Variants in NRXN3 observed in about 807,000 individuals in gnomAD.
The protein encoded by NRXN3 is neurexin III.
Under a neutral mutation model 137.6 loss-of-function variants are expected in NRXN3, and 32 were observed. That is an observed-to-expected ratio of 0.23 (90% CI 0.18 to 0.31). The LOEUF is 0.31. Among genes scored for constraint, NRXN3 ranks in the 10% least tolerant of loss-of-function variants. NRXN3 has a pLI of 1.00. For missense variants in NRXN3, 1,574 were observed against 2,062.5 expected, an observed-to-expected ratio of 0.76 and a Z score of 4.59; for synonymous variants, 798 against 784.5, an observed-to-expected ratio of 1.02 and a Z score of -0.29.
At chr14:78,292,233 C>T (rs927689339) in intron 3 of NRXN3, among the ~76,000 whole-genome samples, 1 of 152,202 alleles carries the variant, frequency 6.6e-6, no homozygotes, top group African/African-American at 2.4e-5. Context: ...TTCCATTTTC[C>T]CGAGCTGCAA....
intron 15 of NRXN3, among the ~76,000 whole-genome samples, chr14:79,382,163 T>C (rs2094489049): frequency 6.6e-6 from 1 of 152,192 alleles, no homozygotes; most frequent in African/African-American, 2.4e-5. Context: ...GTAAAGCACG[T>C]AGGACATCCC....
rs539642637 is a variant in NRXN3, at chr14:78,982,922, CACAA to C, written c.3143-5095_3143-5092del. The stretch of plus-strand genomic sequence containing the variant: ...ACTATTATCCAAAATATATAAGAAA[CACAA>C]ACAACTCAAAATAAGAAAACAAATA... On this transcript the variant is annotated intron_variant, in intron 14 of 20. Transcript: ENST00000335750. Among the ~76,000 whole-genome samples, 7 of 152,044 alleles carry C rather than the reference CACAA, an allele frequency of 4.6e-5. No homozygotes were observed. In the South Asian group the frequency reaches 1.2e-3, roughly 27 times the overall value.
At position 79,025,954 on chromosome 14, in the gene NRXN3, T is replaced by C. The variant is rs115358891; in HGVS notation, c.3262+37813T>C. On this transcript the variant is annotated intron_variant, in intron 15 of 20. Transcript: ENST00000335750. ...AGTTTGTTGCCTCTTAGTCACAGTATAGTTGCTGCACCTCCAGGCAAGAGG... is the reference window on the plus strand; with the variant it reads ...AGTTTGTTGCCTCTTAGTCACAGTACAGTTGCTGCACCTCCAGGCAAGAGG... Among the ~76,000 whole-genome samples the C allele has an allele frequency of 3.7e-3, 560 of 152,236 alleles. 2 individuals carry two copies. The highest frequency in any genetic ancestry group is 0.013 in the African/African-American group (542 of 41,538).
At chr14:79,039,791 A>C (rs898686692) in intron 15 of NRXN3, among the ~76,000 whole-genome samples, 3 of 152,124 alleles carry the variant, frequency 2.0e-5, no homozygotes, top group African/African-American at 4.8e-5. Flanking sequence ...TCCTGGGCTC[A>C]AGCAATCCTC....
intron 4 of NRXN3, among the ~76,000 whole-genome samples, chr14:78,579,563 G>A (rs1428792935): frequency 2.0e-5 from 3 of 151,980 alleles, no homozygotes; most frequent in Admixed American, 1.3e-4. Context: ...GAGCCAAAGT[G>A]TAAGGAGGCA....
intron 8 of NRXN3, among the ~76,000 whole-genome samples, chr14:78,754,671 G>A (rs2098659434): frequency 6.6e-6 from 1 of 152,186 alleles, no homozygotes; most frequent in Non-Finnish European, 1.5e-5. Context: ...AGTGGCATCA[G>A]TATCACCTGG....
chr14:79,609,709 T>C (rs2098074582), intron 16 of NRXN3, among the ~76,000 whole-genome samples: 1 of 152,230 alleles, frequency 6.6e-6, no homozygotes, highest in Admixed American at 6.5e-5. Flanking sequence ...TCATCACATA[T>C]TGATTGTACA....
intron 20 of NRXN3, among the ~76,000 whole-genome samples, chr14:79,859,262 C>G (rs1439408062): frequency 6.6e-6 from 1 of 152,306 alleles, no homozygotes; most frequent in African/African-American, 2.4e-5. Flanking sequence ...TCGGTTCCCT[C>G]AGAAACTCAG....
At chr14:79,054,392 C>T (rs1259311838) in intron 15 of NRXN3, among the ~76,000 whole-genome samples, 1 of 152,126 alleles carries the variant, frequency 6.6e-6, no homozygotes, top group Non-Finnish European at 1.5e-5. Flanking sequence ...TGGCAAGATT[C>T]TGTGTGTGGT....
intron 19 of NRXN3, among the ~76,000 whole-genome samples, chr14:79,772,382 C>G (rs1298595594): frequency 6.6e-6 from 1 of 152,056 alleles, no homozygotes; most frequent in African/African-American, 2.4e-5. Context: ...AACTATACTA[C>G]AAGGCTACAG....
chr14:79,483,816 A>G (rs2096630759), intron 16 of NRXN3, among the ~76,000 whole-genome samples: 1 of 151,984 alleles, frequency 6.6e-6, no homozygotes, highest in South Asian at 2.1e-4. Flanking sequence ...AAAAAACCTA[A>G]ACAGAGCAAC....
At chr14:78,847,897 A>G (rs1208272727) in intron 10 of NRXN3, among the ~76,000 whole-genome samples, 1 of 152,104 alleles carries the variant, frequency 6.6e-6, no homozygotes, top group East Asian at 1.9e-4. Context: ...CTACTTGTAA[A>G]ACTGTCAGAG....
At chr14:79,686,307 G>A (rs1377531223) in intron 17 of NRXN3, among the ~76,000 whole-genome samples, 1 of 152,114 alleles carries the variant, frequency 6.6e-6, no homozygotes, top group East Asian at 1.9e-4. Flanking sequence ...AGAGAGCACA[G>A]GCAGAGGCTA....
intron 16 of NRXN3, among the ~76,000 whole-genome samples, chr14:79,595,150 G>A (rs1194021355): frequency 2.6e-5 from 4 of 152,082 alleles, no homozygotes; most frequent in Non-Finnish European, 5.9e-5. Context: ...TCCATGAGTC[G>A]GGACACATTA....
rs564095760 is a variant in NRXN3 at position 78,847,717 on chromosome 14, C to G, written c.2275+37373C>G. On this transcript the variant is annotated intron_variant, in intron 10 of 20. Coordinates refer to ENST00000335750, the MANE Select transcript of NRXN3 (RefSeq NM_001330195.2). ...GCTTGTGCTTTACAATTCCGATTAC[C>G]CTTCCCCTTTTATCCCCCACTATCA... Among the ~76,000 whole-genome samples the G allele has an allele frequency of 1.6e-4, 24 of 152,136 alleles. No individual in the cohort carries two copies. In the South Asian group the frequency reaches 5.0e-3, roughly 32 times the overall value.
intron 4 of NRXN3, among the ~76,000 whole-genome samples, chr14:78,443,935 G>A (rs529107043): frequency 1.3e-5 from 2 of 152,146 alleles, no homozygotes; most frequent in Admixed American, 1.3e-4. Flanking sequence ...GTGTTTTTTT[G>A]TCATTACTTT....
chr14:78,194,313 G>A (rs890794800), intron 1 of NRXN3, among the ~76,000 whole-genome samples: 1 of 147,636 alleles, frequency 6.8e-6, no homozygotes, highest in Non-Finnish European at 1.5e-5. Context: ...GTCTGCCCAG[G>A]AGAGTTGGGA....
chr14:78,901,353 A>G (rs1299026900), intron 10 of NRXN3, among the ~76,000 whole-genome samples: 1 of 151,010 alleles, frequency 6.6e-6, no homozygotes, highest in Non-Finnish European at 1.5e-5. Context: ...TTCCCTTTGT[A>G]TTTCTCTTTT....
At chr14:79,038,216 A>G (rs540730719) in intron 15 of NRXN3, among the ~76,000 whole-genome samples, 74 of 152,178 alleles carry the variant, frequency 4.9e-4, no homozygotes, top group Non-Finnish European at 8.2e-4. Context: ...ACTGTTGAGA[A>G]CGTTATTTTT....
Sources: gnomAD v4.1 joint callset for allele counts (sites outside exome capture counted in the v4.1 genomes callset) on GRCh38, gnomAD v4.1.1 for gene constraint, MANE v1.5 for transcripts, NCBI Gene and HGNC (gene_info 2026-07-23, HGNC 2026-07-21) for gene names.